Variants in USP15 observed in about 807,000 individuals in gnomAD.
USP15 encodes the protein ubiquitin specific peptidase 15.
USP15 carries 18 observed loss-of-function variants against 127.1 expected under a neutral mutation model. The observed-to-expected ratio is 0.14, with a 90% confidence interval of 0.10 to 0.21. The LOEUF is 0.21. Ranked by LOEUF, USP15 falls within the 10% of genes least tolerant of loss-of-function variation. USP15 has a pLI of 1.00. For synonymous variants in USP15, 364 were observed against 393.7 expected (o/e 0.92, Z 0.89); for missense variants, 805 against 1,159.9 (o/e 0.69, Z 4.44).
At chr12:62,261,362 A>G (rs576687637) in intron 1 of USP15, among the ~76,000 whole-genome samples, 3 of 152,344 alleles carry the variant, frequency 2.0e-5, no homozygotes, top group Non-Finnish European at 4.4e-5. Context: ...AATAACTTAA[A>G]TATGTGAATA....
At chr12:62,307,393 C>T (rs541688403) in intron 3 of USP15, among the ~76,000 whole-genome samples, 87 of 152,222 alleles carry the variant, frequency 5.7e-4, no homozygotes, top group Non-Finnish European at 1.1e-3. Context: ...ATTTCATAAT[C>T]GTTATGGACC....
In USP15 at chr12:62,408,143, C is replaced by G. The variant is rs375357116; in HGVS notation, c.*3768C>G. 5.9e-5 allele frequency: 9 copies of G among 152,004 alleles called. No individual in the cohort carries two copies. The East Asian group carries it at 1.2e-3, about 20-fold the overall frequency. 9.4% of individuals were successfully genotyped at this position (152,004 alleles called of 1,614,324 possible). On this transcript the variant is annotated 3_prime_UTR_variant, in exon 22 of 22. Coordinates refer to ENST00000280377, the MANE Select transcript of USP15 (RefSeq NM_001252078.2). ...AAGCCGGGAGACTGAAATGGAGTCTCCTTCAGTGGTACACCAAAGGGAGTG... is the reference window on the plus strand; with the variant it reads ...AAGCCGGGAGACTGAAATGGAGTCTGCTTCAGTGGTACACCAAAGGGAGTG...
At chr12:62,401,321 T>C in intron 21 of USP15, 46 bp downstream of exon 21, 1 of 1,437,480 alleles carries the variant, frequency 7.0e-7, no homozygotes, top group African/African-American at 1.4e-5. Flanking sequence ...TTCACTGTCT[T>C]AAGGAGTGAA....
chr12:62,333,281 T>TG (rs980005569), intron 6 of USP15, among the ~76,000 whole-genome samples: 4 of 152,114 alleles, frequency 2.6e-5, no homozygotes, highest in African/African-American at 9.7e-5. Flanking sequence ...TTGTTGTTGT[T>TG]TTAAGACAGG....
intron 8 of USP15, among the ~76,000 whole-genome samples, chr12:62,368,167 T>C (rs914853319): frequency 1.3e-5 from 2 of 152,236 alleles, no homozygotes; most frequent in Non-Finnish European, 2.9e-5. Context: ...TACTGTGGTC[T>C]GAGAGACTGT....
At position 62,357,409 on chromosome 12, in the gene USP15, T is replaced by C. The variant is rs1231406609; in HGVS notation, c.915+1934T>C. On this transcript the variant is annotated intron_variant, in intron 8 of 21. Coordinates refer to ENST00000280377, the MANE Select transcript of USP15 (RefSeq NM_001252078.2). ...TTAAGGTGTGAGGATCTTCAGTTTA[T>C]TCATTTTTGCTTCTATTCAAAACTA... Among the ~76,000 whole-genome samples the C allele has an allele frequency of 5.9e-5, 9 of 152,248 alleles. No individual in the cohort carries two copies. In the East Asian group the frequency reaches 9.7e-4, roughly 16 times the overall value.
At chr12:62,327,609 G>T in intron 6 of USP15, 2 of 429,976 alleles carry the variant, frequency 4.7e-6, no homozygotes, top group Non-Finnish European at 9.2e-6. Flanking sequence ...TAAAATGACT[G>T]ATTTTTGCCC....
intron 1 of USP15, among the ~76,000 whole-genome samples, chr12:62,274,622 G>GC (rs2063433924): frequency 6.6e-6 from 1 of 151,972 alleles, no homozygotes; most frequent in Non-Finnish European, 1.5e-5. Context: ...TCCAGCCTGT[G>GC]CAAGAGTAAG....
At chr12:62,294,991 C>T (rs1171442257) in intron 2 of USP15, among the ~76,000 whole-genome samples, 1 of 152,146 alleles carries the variant, frequency 6.6e-6, no homozygotes, top group Non-Finnish European at 1.5e-5. Context: ...TTCCAAGACA[C>T]AACATGGGAA....
chr12:62,391,707 AG>A, intron 16 of USP15, 108 bp from the exon 17 acceptor site: 2 of 1,026,082 alleles, frequency 1.9e-6, no homozygotes, highest in Non-Finnish European at 2.8e-6. Flanking sequence ...CACCAGTACA[AG>A]TAGAAAAGAT....
chr12:62,327,112 C>T (rs1408102391), intron 6 of USP15, among the ~76,000 whole-genome samples: 1 of 152,080 alleles, frequency 6.6e-6, no homozygotes, highest in Non-Finnish European at 1.5e-5. Context: ...GCCTGGCCAA[C>T]AGAATGCGAC....
At position 62,333,043 on chromosome 12, in the gene USP15, A is replaced by G. The variant is rs145794548; in HGVS notation, c.683+7110A>G. ...TAAACGTCTTTAGAAATTTTTAGAG[A>G]GTATTCAATCCCTGTTTGCATTTAT... On this transcript the variant is annotated intron_variant, in intron 6 of 21. Transcript: ENST00000280377. Among the ~76,000 whole-genome samples the G allele has an allele frequency of 1.7e-3, 253 of 152,316 alleles. 1 individual carries two copies. Among genetic ancestry groups the G allele is most frequent in the African/African-American group, 5.8e-3 (240 of 41,564 alleles).
chr12:62,297,122 T>C (rs1018167354), intron 2 of USP15, among the ~76,000 whole-genome samples: 2 of 152,148 alleles, frequency 1.3e-5, no homozygotes, highest in African/African-American at 4.8e-5. Flanking sequence ...AGTGTGCTGC[T>C]TGAGGGGCCA....
At chr12:62,338,451 C>T (rs923997516) in intron 6 of USP15, among the ~76,000 whole-genome samples, 1 of 152,118 alleles carries the variant, frequency 6.6e-6, no homozygotes, top group Non-Finnish European at 1.5e-5. Flanking sequence ...ATGATAGTTT[C>T]TTTTCCTGTG....
At chr12:62,379,201 C>CA (rs59155021) in intron 8 of USP15, among the ~76,000 whole-genome samples, 30,234 of 134,598 alleles carry the variant, frequency 0.22, 3,568 homozygotes, top group Middle Eastern at 0.3. Context: ...TTAGTAAGGC[C>CA]AAAAAAAAAA....
At chr12:62,399,836 A>T (rs1318614286) in intron 20 of USP15, among the ~76,000 whole-genome samples, 1 of 152,156 alleles carries the variant, frequency 6.6e-6, no homozygotes, top group Non-Finnish European at 1.5e-5. Context: ...TGGTCGGTTG[A>T]TTGGCTTGTC....
Position 62,389,840 on chromosome 12 carries a change from A to C in USP15, c.1696A>C (p.Ile566Leu). ...INRTEDTEHV[I>L]IPVCLREKFR... ...TAGGACAGAAGATACAGAGCACGTG[A>C]TTATTCCTGTTTGCCTAAGAGAAAA... is the stretch of plus-strand genomic sequence containing the variant. Residue 566 changes from isoleucine (I) to leucine (L), a missense_variant, in exon 14 of 22, where the codon ATT becomes CTT. Physicochemically the swap from Ile to Leu is conservative, Grantham distance 5. Around this residue, in one of 11 missense-constraint regions of USP15, gnomAD observed 82 missense variants for 104.4 expected, o/e 0.79. Transcript: ENST00000280377. 6.2e-7 allele frequency: 1 copy of C among 1,613,738 alleles called. No individual in the cohort carries two copies. The highest frequency in any genetic ancestry group is 8.5e-7 in the Non-Finnish European group (1 of 1,179,796).
chr12:62,335,404 ATTG>A, intron 6 of USP15: 2 of 1,392,432 alleles, frequency 1.4e-6, no homozygotes, highest in Non-Finnish European at 1.9e-6. Flanking sequence ...GTATTGTAAA[ATTG>A]TTGTACTTTA....
intron 11 of USP15, among the ~76,000 whole-genome samples, chr12:62,387,239 G>T (rs1057034448): frequency 1.3e-5 from 2 of 152,168 alleles, no homozygotes; most frequent in African/African-American, 4.8e-5. Context: ...CTATGAAAAT[G>T]ATAGTGTTTT....
Sources: gnomAD v4.1 joint callset for allele counts (sites outside exome capture counted in the v4.1 genomes callset) on GRCh38, gnomAD v4.1.1 for gene constraint, gnomAD v4.1.1 regional missense constraint, MANE v1.5 for transcripts, NCBI Gene and HGNC (gene_info 2026-07-23, HGNC 2026-07-21) for gene names.